Variants in TRMT61A observed in about 807,000 individuals in gnomAD.
TRMT61A encodes the protein tRNA methyltransferase 61A.
TRMT61A carries 15 observed loss-of-function variants against 21.3 expected under a neutral mutation model. That is an observed-to-expected ratio of 0.70 (90% CI 0.47 to 1.08). The LOEUF is 1.08. Ranked by LOEUF, TRMT61A falls within the 50% of genes least tolerant of loss-of-function variation. TRMT61A has a pLI of 0.00. For synonymous variants in TRMT61A, 183 were observed against 185.5 expected (o/e 0.99, Z 0.11); for missense variants, 352 against 426.7 (o/e 0.83, Z 1.54).
chr14:103,531,678 G>A lies in TRMT61A; in HGVS notation c.332-904G>A, dbSNP rs928970651. Among the ~76,000 whole-genome samples the A allele has an allele frequency of 3.9e-5, 6 of 152,166 alleles. No individual in the cohort carries two copies. The highest frequency in any genetic ancestry group is 9.7e-5 in the African/African-American group (4 of 41,422). On this transcript the variant is annotated intron_variant, in intron 2 of 3. Transcript: ENST00000389749. This position sits in a 1 kb window ranked among gnomAD's most constrained non-coding sequence, Gnocchi z 5.1. The stretch of plus-strand genomic sequence containing the variant: ...AAAGGAATGTGGGAGGTGGCAGGAC[G>A]TGGGACGGGATAGAGGGAGTGGAGG...
In TRMT61A at chr14:103,535,213, C is replaced by T. The variant is rs772909032; in HGVS notation, c.*392C>T. On this transcript the variant is annotated 3_prime_UTR_variant, in exon 4 of 4. Transcript: ENST00000389749. Reference sequence around the variant, plus strand: ...GACCCTGAGACCACGCTGCGTCTGACCCCTGGGCCCCCACGGCCCTGGCTG... The same window carrying T: ...GACCCTGAGACCACGCTGCGTCTGATCCCTGGGCCCCCACGGCCCTGGCTG... The T allele has an allele frequency of 7.9e-5, 38 of 479,090 alleles. No homozygotes were observed. The East Asian group carries it at 2.2e-3, about 28-fold the overall frequency. 29.7% of individuals were successfully genotyped at this position (479,090 alleles called of 1,614,324 possible). A position where few individuals can be genotyped will look rare whatever the true frequency, so the allele number is the denominator to read the frequency against.
At position 103,531,991 on chromosome 14, in the gene TRMT61A, G is replaced by A. The variant is rs1288430889; in HGVS notation, c.332-591G>A. Among the ~76,000 whole-genome samples, 1 of 151,522 alleles carries A rather than the reference G, an allele frequency of 6.6e-6. No homozygotes were observed. The highest frequency in any genetic ancestry group is 1.5e-5 in the Non-Finnish European group (1 of 67,888). ...GAGGACTGGGGCCGTGTGGCTGGTG[G>A]CCAGGCCCTGCGTCCTGAGTCCAAC... On this transcript the variant is annotated intron_variant, in intron 2 of 3. Coordinates refer to ENST00000389749, the MANE Select transcript of TRMT61A (RefSeq NM_152307.3). This position sits in a 1 kb window ranked among gnomAD's most constrained non-coding sequence, Gnocchi z 5.1.
chr14:103,534,487 A>G, intron 3 of TRMT61A, 63 bp from the exon 4 acceptor site: 1 of 1,505,932 alleles, frequency 6.6e-7, no homozygotes, highest in Non-Finnish European at 8.9e-7. Context: ...CAGGGATGCT[A>G]GGGCCAGACG....
rs1406430349 is a variant in TRMT61A at position 103,536,239 on chromosome 14, G to C, written c.*1418G>C. 1 of 152,444 alleles carries C rather than the reference G, an allele frequency of 6.6e-6. No individual in the cohort carries two copies. Among genetic ancestry groups the C allele is most frequent in the African/African-American group, 2.4e-5 (1 of 41,460 alleles). 9.4% of individuals were successfully genotyped at this position (152,444 alleles called of 1,614,324 possible). A position where few individuals can be genotyped will look rare whatever the true frequency, so the allele number is the denominator to read the frequency against. ...GAAAAGGCCACTCCTTCCTGGGGTT[G>C]GGGTGGTCCAGGAGTGCTGGGCCTT... is the stretch of plus-strand genomic sequence containing the variant. On this transcript the variant is annotated 3_prime_UTR_variant, in exon 4 of 4. Transcript: ENST00000389749.
In TRMT61A at chr14:103,535,768, G is replaced by C. The variant is rs1438811758; in HGVS notation, c.*947G>C. 1 of 162,260 alleles carries C rather than the reference G, an allele frequency of 6.2e-6. No individual in the cohort carries two copies. Among genetic ancestry groups the C allele is most frequent in the Non-Finnish European group, 1.3e-5 (1 of 74,626 alleles). The allele number at this position is 162,260 out of a possible 1,614,324, so 10.1% of individuals were successfully genotyped here. On this transcript the variant is annotated 3_prime_UTR_variant, in exon 4 of 4. Transcript: ENST00000389749. ...GATCACCTCTTAAAGGCTAAGCTTA[G>C]GGGCATTTCCCAAAGTGGGGACAGA...
At chr14:103,534,501 C>T in intron 3 of TRMT61A, 49 bp from the exon 4 acceptor site, 1 of 1,521,230 alleles carries the variant, frequency 6.6e-7, no homozygotes, top group Non-Finnish European at 8.8e-7. Context: ...CCAGACGGGC[C>T]AGGCTCTGCC....
rs1304555282 is a variant in TRMT61A at position 103,536,901 on chromosome 14, TC to T, written c.*2084del. On this transcript the variant is annotated 3_prime_UTR_variant, in exon 4 of 4. Coordinates refer to ENST00000389749, the MANE Select transcript of TRMT61A (RefSeq NM_152307.3). ...ACATGGGACAGAGTTGCTGTGTCAA[TC>T]CCCTCGGCCCTGCTGCTCTGCCCTG... 1 of 152,018 alleles carries T rather than the reference TC, an allele frequency of 6.6e-6. No individual in the cohort carries two copies. The highest frequency in any genetic ancestry group is 2.4e-5 in the African/African-American group (1 of 41,338). 9.4% of individuals were successfully genotyped at this position (152,018 alleles called of 1,614,324 possible). A position where few individuals can be genotyped will look rare whatever the true frequency, so the allele number is the denominator to read the frequency against.
At chr14:103,530,394 C>T in intron 2 of TRMT61A, 85 bp downstream of exon 2, 2 of 1,218,054 alleles carry the variant, frequency 1.6e-6, no homozygotes, top group South Asian at 3.0e-5. Context: ...TTCCTACAGA[C>T]ACATGTGGCT....
At chr14:103,534,237 C>A (rs1444941914) in intron 3 of TRMT61A, among the ~76,000 whole-genome samples, 1 of 152,258 alleles carries the variant, frequency 6.6e-6, no homozygotes, top group Non-Finnish European at 1.5e-5. Flanking sequence ...CTGTGGAAGG[C>A]AGGAGAGCAG....
chr14:103,530,157 G>A lies in TRMT61A; in HGVS notation c.179G>A (p.Cys60Tyr), dbSNP rs1222522166. 3 of 1,612,692 alleles carry A rather than the reference G, an allele frequency of 1.9e-6. No homozygotes were observed. Among genetic ancestry groups the A allele is most frequent in the Non-Finnish European group, 2.5e-6 (3 of 1,180,004 alleles). ...IGRPFGSKVT[C>Y]GRGGWVYVLH... The stretch of plus-strand genomic sequence containing the variant: ...CGCCCCTTCGGCTCCAAGGTGACGT[G>A]CGGCCGAGGTGGCTGGGTGTATGTG... Residue 60 changes from cysteine to tyrosine, a missense_variant, in exon 2 of 4, where the codon TGC (cysteine) becomes TAC (tyrosine). Transcript: ENST00000389749.
At position 103,535,058 on chromosome 14, in the gene TRMT61A, G is replaced by T. The variant is rs1303959346; in HGVS notation, c.*237G>T. 1.4e-6 allele frequency: 1 copy of T among 706,432 alleles called. No homozygotes were observed. Among genetic ancestry groups the T allele is most frequent in the Admixed American group, 2.0e-5 (1 of 49,816 alleles). The allele number at this position is 706,432 out of a possible 1,614,324, so 43.8% of individuals were successfully genotyped here. A position where few individuals can be genotyped will look rare whatever the true frequency, so the allele number is the denominator to read the frequency against. ...CTGTGGCCCATCCCAGCTGCTGTTT[G>T]TTGCCAATATGAAGTATCCACTGCC... On this transcript the variant is annotated 3_prime_UTR_variant, in exon 4 of 4. Transcript: ENST00000389749.
At chr14:103,532,412 G>A (rs533288935) in intron 2 of TRMT61A, among the ~76,000 whole-genome samples, 170 bp from the exon 3 acceptor site, 2 of 152,174 alleles carry the variant, frequency 1.3e-5, no homozygotes, top group Non-Finnish European at 2.9e-5. Flanking sequence ...GCTAGCCTGG[G>A]GCTTTAGGCA....
chr14:103,533,010 G>T (rs911555), intron 3 of TRMT61A, among the ~76,000 whole-genome samples, 162 bp downstream of exon 3: 1 of 152,088 alleles, frequency 6.6e-6, no homozygotes, highest in East Asian at 1.9e-4. Flanking sequence ...GGGTCAGGCT[G>T]GCCAGGGGAG....
In TRMT61A at chr14:103,535,258, A is replaced by G. The variant is rs1309855434; in HGVS notation, c.*437A>G. ...TGGCTGCCCCACGGGGCCTGAGACC[A>G]TCTCGTGCTTCTCCAGTCCCCGGGC... On this transcript the variant is annotated 3_prime_UTR_variant, in exon 4 of 4. Coordinates refer to ENST00000389749, the MANE Select transcript of TRMT61A (RefSeq NM_152307.3). 1 of 454,594 alleles carries G rather than the reference A, an allele frequency of 2.2e-6. No homozygotes were observed. The highest frequency in any genetic ancestry group is 6.8e-5 in the East Asian group (1 of 14,628). 28.2% of individuals were successfully genotyped at this position (454,594 alleles called of 1,614,324 possible). A position where few individuals can be genotyped will look rare whatever the true frequency, so the allele number is the denominator to read the frequency against.
At chr14:103,533,788 C>T (rs1347845269) in intron 3 of TRMT61A, among the ~76,000 whole-genome samples, 2 of 152,220 alleles carry the variant, frequency 1.3e-5, no homozygotes, top group African/African-American at 4.8e-5. Flanking sequence ...GCCACGGGAG[C>T]CCGCTGGGGA....
chr14:103,532,573 T>A lies in TRMT61A; in HGVS notation c.332-9T>A, dbSNP rs74086001. 1.7e-3 allele frequency: 2,703 copies of A among 1,613,164 alleles called. 47 individuals are homozygous for A. In the African/African-American group the frequency reaches 0.032, roughly 19 times the overall value. On this transcript the variant is annotated splice_polypyrimidine_tract_variant and intron_variant, in intron 2 of 3. Coordinates refer to ENST00000389749, the MANE Select transcript of TRMT61A (RefSeq NM_152307.3). ...CTGATGCCTTGCCCATCCCTTCTTGTCCTGCCAGGCACCGGCAGTGGCTCT... is the reference window on the plus strand; with the variant it reads ...CTGATGCCTTGCCCATCCCTTCTTGACCTGCCAGGCACCGGCAGTGGCTCT...
In TRMT61A at chr14:103,532,460, AG is replaced by A; in HGVS notation, c.332-121del. On this transcript the variant is annotated intron_variant, in intron 2 of 3. Transcript: ENST00000389749. Reference sequence around the variant, plus strand: ...CAGCCCTGGAATGACGCCCACCTGTAGCTTGGGGTCCTCCCAAGCCCTGTGT... The same window carrying A: ...CAGCCCTGGAATGACGCCCACCTGTACTTGGGGTCCTCCCAAGCCCTGTGT... 5 of 1,214,600 alleles carry A rather than the reference AG, an allele frequency of 4.1e-6. No individual in the cohort carries two copies. In the South Asian group the frequency reaches 6.7e-5, roughly 16 times the overall value. 75.2% of individuals were successfully genotyped at this position (1,214,600 alleles called of 1,614,324 possible). A position where few individuals can be genotyped will look rare whatever the true frequency, so the allele number is the denominator to read the frequency against.
intron 2 of TRMT61A, among the ~76,000 whole-genome samples, chr14:103,530,683 G>A (rs1039530403): frequency 6.6e-6 from 1 of 152,326 alleles, no homozygotes; most frequent in African/African-American, 2.4e-5. Context: ...CTGGAAAGAG[G>A]CCAGGGCTAC....
rs958444540 is a variant in TRMT61A, at chr14:103,535,122, G to T, written c.*301G>T. Reference sequence around the variant, plus strand: ...GGTGTTGAAGCCAAAGGGTGCAGGTGGGGGAGTCTGACCCCCTCCCAGGTG... The same window carrying T: ...GGTGTTGAAGCCAAAGGGTGCAGGTTGGGGAGTCTGACCCCCTCCCAGGTG... On this transcript the variant is annotated 3_prime_UTR_variant, in exon 4 of 4. Coordinates refer to ENST00000389749, the MANE Select transcript of TRMT61A (RefSeq NM_152307.3). 39 of 632,022 alleles carry T rather than the reference G, an allele frequency of 6.2e-5. No homozygotes were observed. The highest frequency in any genetic ancestry group is 5.3e-4 in the Admixed American group (25 of 47,580). 39.2% of individuals were successfully genotyped at this position (632,022 alleles called of 1,614,324 possible). A position where few individuals can be genotyped will look rare whatever the true frequency, so the allele number is the denominator to read the frequency against.
Sources: gnomAD v4.1 joint callset for allele counts (sites outside exome capture counted in the v4.1 genomes callset) on GRCh38, gnomAD v4.1.1 for gene constraint, Gnocchi (gnomAD v3.1) non-coding constraint, MANE v1.5 for transcripts, NCBI Gene and HGNC (gene_info 2026-07-23, HGNC 2026-07-21) for gene names.